KNDC1: variants seen among roughly 807,000 people sequenced by gnomAD.
The protein encoded by KNDC1 is kinase non-catalytic C-lobe domain-containing protein 1.
Under a neutral mutation model 172.8 loss-of-function variants are expected in KNDC1, and 106 were observed. That is an observed-to-expected ratio of 0.61 (90% confidence interval 0.52 to 0.72). The LOEUF (loss-of-function observed/expected upper bound fraction) is 0.72. KNDC1 is among the 30% of genes least tolerant of loss of function. The probability of loss-of-function intolerance (pLI) is 0.00; values close to 1 mark genes in which losing one functional copy is unlikely to be tolerated. For synonymous variants in KNDC1, 1,083 were observed against 1,062.2 expected, an observed-to-expected ratio of 1.02 and a Z score of -0.38; for missense variants, 2,325 against 2,394.5, an observed-to-expected ratio of 0.97 and a Z score of 0.61.
intron 1 of KNDC1, among the ~76,000 whole-genome samples, chr10:133,162,533 C>A (rs1376991709): frequency 6.6e-6 from 1 of 152,206 alleles, no homozygotes; most frequent in Non-Finnish European, 1.5e-5. Context: ...CTATGGACAC[C>A]CACCGGAGCC....
chr10:133,171,797 G>A (rs1294131243), intron 3 of KNDC1, among the ~76,000 whole-genome samples: 1 of 147,164 alleles, frequency 6.8e-6, no homozygotes, highest in Non-Finnish European at 1.5e-5. Flanking sequence ...TTTTATTTTT[G>A]TAGAGGCAGG....
intron 28 of KNDC1, 97 bp downstream of exon 28, chr10:133,219,187 C>A: frequency 1.4e-6 from 2 of 1,426,324 alleles, no homozygotes; most frequent in Non-Finnish European, 1.9e-6. Flanking sequence ...ACGCAGGCAC[C>A]ACAGAGTGTG....
At chr10:133,172,892 G>T (rs148139085) in intron 3 of KNDC1, among the ~76,000 whole-genome samples, 1 of 152,112 alleles carries the variant, frequency 6.6e-6, no homozygotes, top group Non-Finnish European at 1.5e-5. Context: ...AGCCCCAGCC[G>T]CTCAGGAGGC....
chr10:133,220,913 G>C (rs947609559), intron 29 of KNDC1, among the ~76,000 whole-genome samples: 2 of 152,072 alleles, frequency 1.3e-5, no homozygotes, highest in African/African-American at 2.4e-5. Context: ...CTCTCCTCCT[G>C]TCCTTGCTTT....
intron 9 of KNDC1, among the ~76,000 whole-genome samples, chr10:133,193,567 A>C (rs1854115655): frequency 6.6e-6 from 1 of 152,158 alleles, no homozygotes; most frequent in South Asian, 2.1e-4. Context: ...GAAGGAAGGA[A>C]GAAGAACAAG....
At chr10:133,217,086 G>A (rs1217238564) in intron 26 of KNDC1, among the ~76,000 whole-genome samples, 1 of 152,390 alleles carries the variant, frequency 6.6e-6, no homozygotes, top group South Asian at 2.1e-4. Context: ...ATGGAGAGTC[G>A]CAGACATGCT....
Position 133,168,439 on chromosome 10 carries a change from G to A in KNDC1, c.360+127G>A, listed in dbSNP as rs999646444. The A allele has an allele frequency of 9.4e-5, 86 of 910,402 alleles. No homozygotes were observed. In the African/African-American group the frequency reaches 1.3e-3, roughly 14 times the overall value. The allele number at this position is 910,402 out of a possible 1,614,324, so 56.4% of individuals were successfully genotyped here. ...GTGGCCTCTGGCCGGGAGCGGAGCC[G>A]CTGCTGCCCGGTTCACTGGGCTATA... On this transcript the variant is annotated intron_variant, in intron 3 of 29. Coordinates refer to ENST00000304613, the MANE Select transcript of KNDC1 (RefSeq NM_152643.8).
intron 3 of KNDC1, among the ~76,000 whole-genome samples, chr10:133,172,103 A>T (rs1252662546): frequency 6.6e-6 from 1 of 152,186 alleles, no homozygotes; most frequent in African/African-American, 2.4e-5. Flanking sequence ...TACTTGATGC[A>T]GCAGGGAACA....
At position 133,188,735 on chromosome 10, in the gene KNDC1, G is replaced by A. The variant is rs1342935082; in HGVS notation, c.1441+82G>A. 661 of 501,682 alleles carry A rather than the reference G, an allele frequency of 1.3e-3. 4 individuals are homozygous for A. The African/African-American group carries it at 0.028, about 21-fold the overall frequency. 31.1% of individuals were successfully genotyped at this position (501,682 alleles called of 1,614,324 possible). ...CCCCCCACCGCCGTCCCACACCCCC[G>A]CCGTCCCACCCCCCACACCGTCCCA... On this transcript the variant is annotated intron_variant, in intron 7 of 29. Transcript: ENST00000304613.
At chr10:133,172,277 AT>A in intron 3 of KNDC1, among the ~76,000 whole-genome samples, 1 of 152,164 alleles carries the variant, frequency 6.6e-6, no homozygotes, top group Non-Finnish European at 1.5e-5. Flanking sequence ...GCAGAGTTTG[AT>A]CGTGAATGTG....
At chr10:133,198,539 G>A in intron 13 of KNDC1, 39 bp from the exon 14 acceptor site, 29 of 1,580,398 alleles carry the variant, frequency 1.8e-5, no homozygotes, top group Non-Finnish European at 2.5e-5. Context: ...CTGGGTCCCG[G>A]GCGCAGGCAG....
At chr10:133,219,324 CACACA>C (rs1463492576) in intron 28 of KNDC1, among the ~76,000 whole-genome samples, 1 of 152,234 alleles carries the variant, frequency 6.6e-6, no homozygotes, top group Non-Finnish European at 1.5e-5. Context: ...CTGAGTTCCT[CACACA>C]GAGCACAGGT....
chr10:133,160,641 C>G lies in KNDC1; in HGVS notation c.102+72C>G, dbSNP rs1852935186. 6 of 1,081,366 alleles carry G rather than the reference C, an allele frequency of 5.5e-6. No homozygotes were observed. The Admixed American group carries it at 1.5e-4, about 26-fold the overall frequency. The allele number at this position is 1,081,366 out of a possible 1,614,324, so 67.0% of individuals were successfully genotyped here. A position where few individuals can be genotyped will look rare whatever the true frequency, so the allele number is the denominator to read the frequency against. ...CCGCGGAGAGCGCCCGGGGGGAGGA[C>G]CCGGGAGGGGCTGTGAGCTCCCGCC... On this transcript the variant is annotated intron_variant, in intron 1 of 29. Transcript: ENST00000304613.
chr10:133,193,249 G>A (rs114509152), intron 9 of KNDC1, among the ~76,000 whole-genome samples: 1 of 152,204 alleles, frequency 6.6e-6, no homozygotes, highest in African/African-American at 2.4e-5. Context: ...AACAGGCTAG[G>A]TGCAGTGGCT....
chr10:133,212,448 G>A (rs1845388003), intron 23 of KNDC1, among the ~76,000 whole-genome samples: 1 of 152,240 alleles, frequency 6.6e-6, no homozygotes, highest in Non-Finnish European at 1.5e-5. Flanking sequence ...CAGAGACTAA[G>A]GCAGAAGCCA....
chr10:133,172,994 C>T (rs188705796), intron 3 of KNDC1, among the ~76,000 whole-genome samples: 16 of 152,234 alleles, frequency 1.1e-4, no homozygotes, highest in African/African-American at 2.9e-4. Context: ...CAGAGTGAGA[C>T]GCCACTTCTT....
At chr10:133,210,246 A>T (rs1011810434) in intron 20 of KNDC1, among the ~76,000 whole-genome samples, 3 of 151,258 alleles carry the variant, frequency 2.0e-5, no homozygotes, top group Non-Finnish European at 4.4e-5. Flanking sequence ...TCAGCCGGGC[A>T]TGGTAGGCGC....
At chr10:133,211,254 C>T (rs1845356412) in intron 21 of KNDC1, among the ~76,000 whole-genome samples, 168 bp from the exon 22 acceptor site, 1 of 151,374 alleles carries the variant, frequency 6.6e-6, no homozygotes, top group African/African-American at 2.4e-5. Flanking sequence ...GGCACCTCAG[C>T]TCCTGCCTCG....
intron 26 of KNDC1, among the ~76,000 whole-genome samples, chr10:133,214,869 G>A (rs532912170): frequency 2.5e-4 from 38 of 152,272 alleles, no homozygotes; most frequent in African/African-American, 8.2e-4. Flanking sequence ...TCACTGCCTC[G>A]ACCAGCTCAT....
Sources: gnomAD v4.1 joint callset for allele counts (sites outside exome capture counted in the v4.1 genomes callset) on GRCh38, gnomAD v4.1.1 for gene constraint, MANE v1.5 for transcripts, NCBI Gene and HGNC (gene_info 2026-07-23, HGNC 2026-07-21) for gene names.